RNF157: variants seen among roughly 807,000 people sequenced by gnomAD.
The protein encoded by RNF157 is ring finger protein 157.
Under a neutral mutation model 88.3 loss-of-function variants are expected in RNF157, and 55 were observed. The ratio of observed to expected loss-of-function variants is 0.62; its 90% CI spans 0.50 to 0.78. The LOEUF is 0.78. Among genes scored for constraint, RNF157 ranks in the 30% least tolerant of loss-of-function variants. The probability of loss-of-function intolerance (pLI) is 0.00; values close to 1 mark genes in which losing one functional copy is unlikely to be tolerated. For missense variants in RNF157, 788 were observed against 860.8 expected, an observed-to-expected ratio of 0.92 and a Z score of 1.06; for synonymous variants, 334 against 341.2, an observed-to-expected ratio of 0.98 and a Z score of 0.23.
chr17:76,228,556 C>T (rs2070134305), intron 1 of RNF157, among the ~76,000 whole-genome samples: 1 of 152,116 alleles, frequency 6.6e-6, no homozygotes, highest in Non-Finnish European at 1.5e-5. Context: ...CTTACCTCAT[C>T]CTACAAGCAT....
chr17:76,172,097 C>T (rs1003066420), intron 3 of RNF157, among the ~76,000 whole-genome samples: 1 of 152,206 alleles, frequency 6.6e-6, no homozygotes, highest in Non-Finnish European at 1.5e-5. Context: ...ATCTCTCCTC[C>T]CCAGAGTTGA....
rs569809414 is a variant in RNF157 at position 76,210,038 on chromosome 17, A to G, written c.207+2326T>C. Among the ~76,000 whole-genome samples, 5 of 152,172 alleles carry G rather than the reference A, an allele frequency of 3.3e-5. No homozygotes were observed. The South Asian group carries it at 6.2e-4, about 19-fold the overall frequency. On this transcript the variant is annotated intron_variant, in intron 2 of 18. Coordinates refer to ENST00000269391, the MANE Select transcript of RNF157 (RefSeq NM_052916.3). ...CTCCCAGAGTGCTGGGATTACAGAC[A>G]TGAGTCACCGTGCCCAGCAGAAAGG...
intron 1 of RNF157, among the ~76,000 whole-genome samples, chr17:76,216,693 T>C (rs1210791569): frequency 6.6e-6 from 1 of 151,972 alleles, no homozygotes; most frequent in Non-Finnish European, 1.5e-5. Context: ...ATTAAAAATG[T>C]TCACAATATA....
chr17:76,220,448 A>C (rs2069962072), intron 1 of RNF157, among the ~76,000 whole-genome samples: 1 of 151,834 alleles, frequency 6.6e-6, no homozygotes, highest in Admixed American at 6.6e-5. Flanking sequence ...ATTATTTTGG[A>C]AACTAGCAAT....
rs1250661867 is a variant in RNF157 at position 76,202,128 on chromosome 17, T to TCTCACA, written c.207+10235_207+10236insTGTGAG. Among the ~76,000 whole-genome samples the TCTCACA allele has an allele frequency of 3.2e-3, 436 of 134,648 alleles. 7 individuals carry two copies. The highest frequency in any genetic ancestry group is 8.6e-3 in the African/African-American group (276 of 32,058). The allele number at this position is 134,648 out of a possible 152,430, so 88.3% of individuals were successfully genotyped here. ...ATCTCAGTTTCTCTCTCTCTCTCTC[T>TCTCACA]CACACACACACACACACACACACAC... On this transcript the variant is annotated intron_variant, in intron 2 of 18. Transcript: ENST00000269391.
intron 8 of RNF157, 112 bp downstream of exon 8, chr17:76,164,636 G>T: frequency 1.8e-6 from 1 of 560,664 alleles, no homozygotes; most frequent in Non-Finnish European, 3.0e-6. Context: ...AGGAAAAGGA[G>T]AGAGCAAAAA....
chr17:76,167,941 G>A, intron 3 of RNF157, 144 bp from the exon 4 acceptor site: 3 of 798,728 alleles, frequency 3.8e-6, no homozygotes, highest in Non-Finnish European at 5.9e-6. Flanking sequence ...ATCACAGAGT[G>A]CTTCATGACC....
intron 2 of RNF157, among the ~76,000 whole-genome samples, chr17:76,203,614 G>A (rs946933673): frequency 5.9e-5 from 9 of 151,446 alleles, no homozygotes; most frequent in Non-Finnish European, 1.0e-4. Flanking sequence ...CATCATGCCT[G>A]GCTAATTTTT....
intron 8 of RNF157, chr17:76,164,386 A>AC: frequency 5.9e-6 from 1 of 168,428 alleles, no homozygotes; most frequent in South Asian, 2.0e-4. Flanking sequence ...AATGTTTCTC[A>AC]CTCTGGCATT....
intron 2 of RNF157, among the ~76,000 whole-genome samples, chr17:76,189,199 A>G (rs1320139483): frequency 6.6e-6 from 1 of 152,228 alleles, no homozygotes; most frequent in Admixed American, 6.5e-5. Flanking sequence ...AAAAATAGTA[A>G]TGTAACTGTG....
rs139565621 is a variant in RNF157, at chr17:76,199,959, C to T, written c.207+12405G>A. Among the ~76,000 whole-genome samples, 595 of 152,204 alleles carry T rather than the reference C, an allele frequency of 3.9e-3. 4 individuals carry two copies. Among genetic ancestry groups the T allele is most frequent in the African/African-American group, 0.013 (558 of 41,512 alleles). On this transcript the variant is annotated intron_variant, in intron 2 of 18. Transcript: ENST00000269391. ...TTTCATAAAACTAGGCATTTCAGGT[C>T]GGGCGCGGTGGCTCACGCCTGTAAT...
At chr17:76,228,778 G>C (rs188594833) in intron 1 of RNF157, among the ~76,000 whole-genome samples, 1 of 151,976 alleles carries the variant, frequency 6.6e-6, no homozygotes, top group African/African-American at 2.4e-5. Flanking sequence ...AAACTTAGCC[G>C]GGCGTGGTGG....
chr17:76,178,804 G>C (rs920713), intron 2 of RNF157, among the ~76,000 whole-genome samples: 15,571 of 152,132 alleles, frequency 0.1, 998 homozygotes, highest in African/African-American at 0.17. Flanking sequence ...AAGTTTTAGG[G>C]AGCAGAGGTT....
At chr17:76,185,731 A>C (rs975436484) in intron 2 of RNF157, among the ~76,000 whole-genome samples, 6 of 152,002 alleles carry the variant, frequency 3.9e-5, no homozygotes, top group Non-Finnish European at 7.4e-5. Flanking sequence ...GGCCTCCCAA[A>C]GTGCTGGGAT....
chr17:76,221,562 C>A (rs962648003), intron 1 of RNF157, among the ~76,000 whole-genome samples: 18 of 152,134 alleles, frequency 1.2e-4, no homozygotes, highest in African/African-American at 4.3e-4. Flanking sequence ...TTTATTAAAC[C>A]CTTTAATTTC....
At position 76,142,733 on chromosome 17, in the gene RNF157, TTAGAGTG is replaced by T. The variant is rs2068533458; in HGVS notation, c.*2495_*2501del. On this transcript the variant is annotated 3_prime_UTR_variant, in exon 19 of 19. Coordinates refer to ENST00000269391, the MANE Select transcript of RNF157 (RefSeq NM_052916.3). ...GACCCTAACTCCCAGGCCAGCCGGC[TTAGAGTG>T]TGGTGGTCTGTGCCCAGGAGATGCC... 1 of 152,266 alleles carries T rather than the reference TTAGAGTG, an allele frequency of 6.6e-6. No individual in the cohort carries two copies. Among genetic ancestry groups the T allele is most frequent in the South Asian group, 2.1e-4 (1 of 4,816 alleles). 9.4% of individuals were successfully genotyped at this position (152,266 alleles called of 1,614,324 possible). A position where few individuals can be genotyped will look rare whatever the true frequency, so the allele number is the denominator to read the frequency against.
At chr17:76,149,590 C>G (rs1350155911) in intron 18 of RNF157, among the ~76,000 whole-genome samples, 2 of 152,290 alleles carry the variant, frequency 1.3e-5, no homozygotes, top group East Asian at 3.9e-4. Context: ...CCAGAGAGTT[C>G]TCCAGCAAAT....
At chr17:76,166,630 A>C in intron 5 of RNF157, 103 bp from the exon 6 acceptor site, 237 of 931,442 alleles carry the variant, frequency 2.5e-4, no homozygotes, top group Non-Finnish European at 3.6e-4. Context: ...CATTAATCTC[A>C]TCTCTGCTCC....
intron 2 of RNF157, among the ~76,000 whole-genome samples, chr17:76,187,061 A>T (rs1344600387): frequency 6.6e-6 from 1 of 152,216 alleles, no homozygotes; most frequent in Non-Finnish European, 1.5e-5. Context: ...AAGCCAAACA[A>T]ACATGGAATT....
Sources: gnomAD v4.1 joint callset for allele counts (sites outside exome capture counted in the v4.1 genomes callset) on GRCh38, gnomAD v4.1.1 for gene constraint, MANE v1.5 for transcripts, NCBI Gene and HGNC (gene_info 2026-07-23, HGNC 2026-07-21) for gene names.